The following PAK1 variants were observed in gnomAD, a reference collection of about 807,000 sequenced individuals.
PAK1 encodes serine/threonine-protein kinase PAK 1.
In PAK1, 29 loss-of-function variants were observed where a neutral mutation model predicts 67.4. The ratio of observed to expected loss-of-function variants is 0.43; its 90% CI spans 0.32 to 0.59. The LOEUF is 0.59. PAK1 is among the 20% of genes least tolerant of loss of function. The pLI is 0.07. For missense variants in PAK1, 337 were observed against 670.7 expected, an observed-to-expected ratio of 0.50 and a Z score of 5.50; for synonymous variants, 223 against 237.4, an observed-to-expected ratio of 0.94 and a Z score of 0.56.
chr11:77,423,313 T>C (rs540062283), intron 1 of PAK1, among the ~76,000 whole-genome samples: 34 of 143,356 alleles, frequency 2.4e-4, no homozygotes, highest in African/African-American at 6.6e-4. Context: ...AGGCAGGCAA[T>C]CACTCTTTCC....
At chr11:77,376,123 C>A (rs939614946) in intron 4 of PAK1, among the ~76,000 whole-genome samples, 3 of 152,186 alleles carry the variant, frequency 2.0e-5, no homozygotes, top group African/African-American at 7.2e-5. Flanking sequence ...CACTGCACTA[C>A]CCCCAACTTT....
intron 9 of PAK1, chr11:77,347,220 C>A: frequency 2.5e-6 from 1 of 394,426 alleles, no homozygotes; most frequent in Non-Finnish European, 5.1e-6. Flanking sequence ...TCTCACACAG[C>A]CAGCCTCCAG....
At chr11:77,353,679 TAGCTGGCA>T (rs1945597273) in intron 7 of PAK1, 80 bp from the exon 8 acceptor site, 1 of 1,103,426 alleles carries the variant, frequency 9.1e-7, no homozygotes, top group Non-Finnish European at 1.4e-6. Flanking sequence ...CCAACCCCTG[TAGCTGGCA>T]AGGGTTAAAG....
the PAK1 span, among the ~76,000 whole-genome samples, chr11:77,482,082 G>A: frequency 2.4e-3 from 359 of 151,966 alleles, 3 homozygotes; most frequent in African/African-American, 8.3e-3. Flanking sequence ...TCCGCCTCCC[G>A]GGTTCAAGCA....
intron 1 of PAK1, among the ~76,000 whole-genome samples, chr11:77,428,018 GT>G (rs1955646017): frequency 6.6e-6 from 1 of 152,198 alleles, no homozygotes; most frequent in African/African-American, 2.4e-5. Flanking sequence ...GATAGTTGGA[GT>G]GCACAGTATA....
At chr11:77,346,890 G>A in intron 9 of PAK1, 1 of 405,240 alleles carries the variant, frequency 2.5e-6, no homozygotes, top group Admixed American at 2.8e-5. Flanking sequence ...TCTTTCTATT[G>A]TACACATTCT....
At chr11:77,435,494 C>CT (rs199613170) in intron 1 of PAK1, among the ~76,000 whole-genome samples, 2,202 of 141,300 alleles carry the variant, frequency 0.016, 29 homozygotes, top group Middle Eastern at 0.018. Flanking sequence ...CATATTTTCT[C>CT]TTTTTTTTTT....
intron 14 of PAK1, among the ~76,000 whole-genome samples, chr11:77,328,061 G>C (rs939621720): frequency 1.3e-5 from 2 of 152,144 alleles, no homozygotes; most frequent in East Asian, 1.9e-4. Context: ...ATGGTAAAGG[G>C]ATCAATTCAA....
the PAK1 span, among the ~76,000 whole-genome samples, chr11:77,512,646 G>A: frequency 1.3e-5 from 2 of 152,060 alleles, no homozygotes; most frequent in African/African-American, 4.8e-5. Flanking sequence ...GTTCATAGAC[G>A]AGGTTTCCTA....
chr11:77,350,334 C>A (rs1228271104), intron 8 of PAK1, among the ~76,000 whole-genome samples: 1 of 152,074 alleles, frequency 6.6e-6, no homozygotes, highest in Non-Finnish European at 1.5e-5. Flanking sequence ...GTAAGAATGA[C>A]CCCACTTGAC....
In PAK1 at chr11:77,332,664, T is replaced by C. The variant is rs923133105; in HGVS notation, c.1551+66A>G. ...TATAATATCCAGTACCTTACAAACATGAAGTAAAAAAGGCCTGGTTTAGTG... is the reference window on the plus strand; with the variant it reads ...TATAATATCCAGTACCTTACAAACACGAAGTAAAAAAGGCCTGGTTTAGTG... On this transcript the variant is annotated intron_variant, in intron 14 of 14. Transcript: ENST00000356341. 27 of 1,317,034 alleles carry C rather than the reference T, an allele frequency of 2.1e-5. No homozygotes were observed. The African/African-American group carries it at 2.9e-4, about 14-fold the overall frequency. 81.6% of individuals were successfully genotyped at this position (1,317,034 alleles called of 1,614,324 possible).
At chr11:77,493,912 A>G in the PAK1 span, among the ~76,000 whole-genome samples, 1 of 152,184 alleles carries the variant, frequency 6.6e-6, no homozygotes, top group Non-Finnish European at 1.5e-5. Flanking sequence ...TATTTCTGTC[A>G]TATTTGGTTT....
At chr11:77,491,692 C>G in the PAK1 span, among the ~76,000 whole-genome samples, 7 of 151,350 alleles carry the variant, frequency 4.6e-5, no homozygotes, top group Non-Finnish European at 8.8e-5. Flanking sequence ...AACAGATACA[C>G]AAAAAATAAA....
intron 1 of PAK1, among the ~76,000 whole-genome samples, chr11:77,454,861 T>C (rs1957014019): frequency 6.6e-6 from 1 of 152,206 alleles, no homozygotes; most frequent in African/African-American, 2.4e-5. Flanking sequence ...ACTCAATCAG[T>C]ACCTGGCATG....
Position 77,415,690 on chromosome 11 carries a change from G to T in PAK1, c.-21-23149C>A, listed in dbSNP as rs576051641. 2.6e-5 allele frequency among the ~76,000 whole-genome samples: 4 copies of T among 152,190 alleles called. 1 individual carries two copies. The South Asian group carries it at 8.3e-4, about 32-fold the overall frequency. Reference sequence around the variant, plus strand: ...TGCAGGACTGGAAGTTTCTCTGGGTGAGTCAGTGAGTGAGAGGTAAGTGAA... The same window carrying T: ...TGCAGGACTGGAAGTTTCTCTGGGTTAGTCAGTGAGTGAGAGGTAAGTGAA... On this transcript the variant is annotated intron_variant, in intron 1 of 14. Transcript: ENST00000356341.
the PAK1 span, among the ~76,000 whole-genome samples, chr11:77,491,857 T>C: frequency 2.6e-5 from 4 of 152,140 alleles, no homozygotes; most frequent in African/African-American, 9.7e-5. Context: ...TAACACTGAA[T>C]GTAAATGGAC....
chr11:77,409,195 TAGG>T (rs1400728805), intron 1 of PAK1, among the ~76,000 whole-genome samples: 1 of 152,024 alleles, frequency 6.6e-6, no homozygotes, highest in Non-Finnish European at 1.5e-5. Flanking sequence ...TGCTTGAGCC[TAGG>T]AGGTTGAAGC....
At chr11:77,522,480 T>C in the PAK1 span, among the ~76,000 whole-genome samples, 8 of 152,204 alleles carry the variant, frequency 5.3e-5, no homozygotes, top group Non-Finnish European at 1.2e-4. Context: ...GTTGTGAACA[T>C]CACTAATCAT....
At chr11:77,381,286 C>G (rs1248205323) in intron 2 of PAK1, among the ~76,000 whole-genome samples, 1 of 152,098 alleles carries the variant, frequency 6.6e-6, no homozygotes, top group East Asian at 1.9e-4. Context: ...TTCTGTGAAT[C>G]TATGAAAACA....
Sources: allele counts gnomAD v4.1 joint callset (sites outside exome capture counted in the v4.1 genomes callset), GRCh38; gene constraint gnomAD v4.1.1; transcripts MANE v1.5; gene names NCBI Gene and HGNC (gene_info 2026-07-23, HGNC 2026-07-21).